KDM4C: variants seen among roughly 807,000 people sequenced by gnomAD.
The protein encoded by KDM4C is lysine-specific demethylase 4C.
Under a neutral mutation model 129.3 loss-of-function variants are expected in KDM4C, and 81 were observed. The ratio of observed to expected loss-of-function variants is 0.63; its 90% CI spans 0.52 to 0.75. The LOEUF is 0.75. Ranked by LOEUF, KDM4C falls within the 30% of genes least tolerant of loss-of-function variation. The pLI, the probability that KDM4C is intolerant of heterozygous loss-of-function variation, is 0.00. For missense variants in KDM4C, 1,457 were observed against 1,304.0 expected (o/e 1.12, Z -1.81); for synonymous variants, 573 against 456.1 (o/e 1.26, Z -3.26).
intron 15 of KDM4C, among the ~76,000 whole-genome samples, chr9:7,041,125 T>C (rs575678504): frequency 6.6e-6 from 1 of 152,064 alleles, no homozygotes; most frequent in South Asian, 2.1e-4. Flanking sequence ...GATATGTGGA[T>C]TCAACCAACT....
intron 19 of KDM4C, among the ~76,000 whole-genome samples, chr9:7,147,560 T>TA (rs1389308022): frequency 1.3e-5 from 2 of 152,146 alleles, no homozygotes; most frequent in East Asian, 3.9e-4. Flanking sequence ...CCAACAACAA[T>TA]AAAAAAGGGG....
chr9:7,009,215 A>G (rs1018927395), intron 12 of KDM4C, among the ~76,000 whole-genome samples: 1 of 152,232 alleles, frequency 6.6e-6, no homozygotes, highest in Non-Finnish European at 1.5e-5. Flanking sequence ...AGAACCAAAC[A>G]TATTCTGGAG....
chr9:6,984,288 G>C lies in KDM4C; in HGVS notation c.1238G>C (p.Ser413Thr), dbSNP rs768195513. 6.2e-7 allele frequency: 1 copy of C among 1,614,032 alleles called. No homozygotes were observed. The highest frequency in any genetic ancestry group is 8.5e-7 in the Non-Finnish European group (1 of 1,179,902). The change falls in exon 10 of 22, where the codon AGT (serine) becomes ACT (threonine). Residue 413 changes from serine (S) to threonine (T), a missense_variant. Transcript: ENST00000381309. ...TCAGTCACAGATGACCTCAAGGTCA[G>C]TGAAAAGTCAGAAGCAGCAGTGAAG... ...PDSVTDDLKV[S>T]EKSEAAVKLR...
intron 1 of KDM4C, among the ~76,000 whole-genome samples, chr9:6,731,642 AT>A (rs1432666466): frequency 6.6e-6 from 1 of 152,036 alleles, no homozygotes; most frequent in Non-Finnish European, 1.5e-5. Context: ...AAGCAACTCC[AT>A]TTTTGTTTGG....
intron 4 of KDM4C, among the ~76,000 whole-genome samples, chr9:6,848,233 G>T (rs1179554487): frequency 6.6e-6 from 1 of 152,154 alleles, no homozygotes; most frequent in Admixed American, 6.5e-5. Flanking sequence ...GAAAAGGTTG[G>T]AATGGCTTTA....
intron 15 of KDM4C, among the ~76,000 whole-genome samples, chr9:7,038,547 G>A (rs936526973): frequency 6.6e-6 from 1 of 150,860 alleles, no homozygotes; most frequent in African/African-American, 2.4e-5. Context: ...TAAAAATTTT[G>A]ACATTACAAA....
In KDM4C at chr9:6,797,022, C is replaced by T. The variant is rs57322723; in HGVS notation, c.144+3890C>T. 7.7e-3 allele frequency among the ~76,000 whole-genome samples: 1,161 copies of T among 151,596 alleles called. 14 individuals carry two copies. Among genetic ancestry groups the T allele is most frequent in the African/African-American group, 0.027 (1,100 of 41,270 alleles). ...TTTTTTTTTTGAGACAGGGTCTTGC[C>T]CTGTTAGGCTGGGTGGTGTGATCGT... is the stretch of plus-strand genomic sequence containing the variant. On this transcript the variant is annotated intron_variant, in intron 2 of 21. Transcript: ENST00000381309.
intron 1 of KDM4C, among the ~76,000 whole-genome samples, chr9:6,788,183 C>T (rs1258369948): frequency 4.6e-5 from 7 of 152,176 alleles, no homozygotes; most frequent in Admixed American, 4.6e-4. Flanking sequence ...AGTCTATCCC[C>T]TTACCCTTGG....
At chr9:6,765,133 T>C (rs1389978066) in intron 1 of KDM4C, among the ~76,000 whole-genome samples, 1 of 152,222 alleles carries the variant, frequency 6.6e-6, no homozygotes. Context: ...TATTGCCTTA[T>C]TGGATTGTTC....
chr9:6,951,839 G>A lies in KDM4C; in HGVS notation c.922-29086G>A, dbSNP rs913683914. On this transcript the variant is annotated intron_variant, in intron 8 of 21. Coordinates refer to ENST00000381309, the MANE Select transcript of KDM4C (RefSeq NM_015061.6). ...ACTTTGTATGTGAATTGGGTATGAA[G>A]TCATGAAAACAATAGCAATATTATT... Among the ~76,000 whole-genome samples, 7 of 152,126 alleles carry A rather than the reference G, an allele frequency of 4.6e-5. No homozygotes were observed. In the South Asian group the frequency reaches 1.0e-3, roughly 23 times the overall value.
At chr9:6,989,301 AAGACTAAGATTGTTTTCTTTCAT>A (rs553504710) in intron 11 of KDM4C, among the ~76,000 whole-genome samples, 25 of 152,298 alleles carry the variant, frequency 1.6e-4, no homozygotes, top group African/African-American at 5.3e-4. Flanking sequence ...TACCGGGAAG[AAGACTAAGATTGTTTTCTTTCAT>A]AGTCAACTCT....
In KDM4C at chr9:7,093,507, T is replaced by G. The variant is rs553490985; in HGVS notation, c.2425-10178T>G. Among the ~76,000 whole-genome samples, 99 of 152,326 alleles carry G rather than the reference T, an allele frequency of 6.5e-4. 1 individual carries two copies. The highest frequency in any genetic ancestry group is 1.2e-3 in the Admixed American group (19 of 15,304). On this transcript the variant is annotated intron_variant, in intron 17 of 21. Transcript: ENST00000381309. ...TGTGTGCGTGGTTATTGTTACTGTA[T>G]TCATGTAACTTATAATCCAGGCTTC...
intron 21 of KDM4C, chr9:7,170,282 T>G (rs971505002): frequency 9.3e-7 from 1 of 1,074,540 alleles, no homozygotes; most frequent in African/African-American, 1.7e-5. Flanking sequence ...CTCGGCATAA[T>G]TGAATGTCTG....
At chr9:6,977,433 G>T (rs1833112467) in intron 8 of KDM4C, among the ~76,000 whole-genome samples, 1 of 152,120 alleles carries the variant, frequency 6.6e-6, no homozygotes, top group South Asian at 2.1e-4. Context: ...TCAATCCTGA[G>T]ATTCAAGTGG....
rs1563993054 is a variant in KDM4C, at chr9:7,019,724, A to ATTTTTATATATAAAAATATAATG, written c.2259+3817_2259+3818insGTTTTTATATATAAAAATATAAT. Among the ~76,000 whole-genome samples the ATTTTTATATATAAAAATATAATG allele has an allele frequency of 7.2e-5, 8 of 111,380 alleles. No homozygotes were observed. In the East Asian group the frequency reaches 2.5e-3, roughly 35 times the overall value. The allele number at this position is 111,380 out of a possible 152,430, so 73.1% of individuals were successfully genotyped here. Reference sequence around the variant, plus strand: ...ATATTTTTATATATAAAAATATAATATTTTTATATATAAAAATATAATATT... The same window carrying ATTTTTATATATAAAAATATAATG: ...ATATTTTTATATATAAAAATATAATATTTTTATATATAAAAATATAATGTTTTTATATATAAAAATATAATATT... On this transcript the variant is annotated intron_variant, in intron 15 of 21. Coordinates refer to ENST00000381309, the MANE Select transcript of KDM4C (RefSeq NM_015061.6).
At chr9:7,053,874 C>T (rs1249754387) in intron 17 of KDM4C, among the ~76,000 whole-genome samples, 2 of 152,174 alleles carry the variant, frequency 1.3e-5, no homozygotes, top group Non-Finnish European at 2.9e-5. Context: ...AAAATGCTAA[C>T]AAATCTTAAG....
At chr9:6,964,798 A>C (rs1407503016) in intron 8 of KDM4C, among the ~76,000 whole-genome samples, 2 of 149,940 alleles carry the variant, frequency 1.3e-5, no homozygotes, top group African/African-American at 4.9e-5. Context: ...AAAAAAAAAA[A>C]AAACCACAGA....
At chr9:7,096,631 C>G (rs2133089955) in intron 17 of KDM4C, among the ~76,000 whole-genome samples, 1 of 152,302 alleles carries the variant, frequency 6.6e-6, no homozygotes, top group African/African-American at 2.4e-5. Flanking sequence ...TCAAGGTACT[C>G]CCCAGACACT....
chr9:6,903,934 A>T (rs1378605008), intron 8 of KDM4C, among the ~76,000 whole-genome samples: 6 of 152,162 alleles, frequency 3.9e-5, no homozygotes, highest in Non-Finnish European at 4.4e-5. Flanking sequence ...TTAATATATC[A>T]TTCTGTTCAA....
Sources: allele counts gnomAD v4.1 joint callset (sites outside exome capture counted in the v4.1 genomes callset), GRCh38; gene constraint gnomAD v4.1.1; transcripts MANE v1.5; gene names NCBI Gene and HGNC (gene_info 2026-07-23, HGNC 2026-07-21).